The following DSCAML1 variants were observed in gnomAD, a reference collection of about 807,000 sequenced individuals.
The protein encoded by DSCAML1 is DS cell adhesion molecule like 1.
In DSCAML1, 38 loss-of-function variants were observed where a neutral mutation model predicts 200.5. The observed-to-expected ratio is 0.19, with a 90% confidence interval of 0.15 to 0.25. The LOEUF is 0.25. DSCAML1 is among the 10% of genes least tolerant of loss of function. DSCAML1 has a pLI of 1.00. For missense variants in DSCAML1, 2,223 were observed against 2,858.8 expected (o/e 0.78, Z 5.07); for synonymous variants, 1,215 against 1,165.0 (o/e 1.04, Z -0.87).
intron 11 of DSCAML1, among the ~76,000 whole-genome samples, chr11:117,500,372 A>G (rs1211388327): frequency 2.0e-5 from 3 of 152,180 alleles, no homozygotes; most frequent in East Asian, 3.8e-4. Flanking sequence ...ATTCCCTGAG[A>G]ACGGCAGCTC....
In DSCAML1 at chr11:117,518,530, C is replaced by T; in HGVS notation, c.1446G>A (p.Val482=). The T allele has an allele frequency of 6.2e-7, 1 of 1,614,228 alleles. No individual in the cohort carries two copies. ...CCAAGTTCCGCGCTGTGCACCGGTA[C>T]ACGCCCCCGTCGCGGATCTGGGGGC... is the stretch of plus-strand genomic sequence containing the variant. The part of the protein sequence containing the change: ...VTGPQIRDGG[V]YRCTARNLVG... The change falls in exon 7 of 33, where the codon GTG becomes GTA. Residue 482 remains valine, a synonymous_variant. Transcript: ENST00000651296. The surrounding 1 kb of genome is among the most constrained non-coding windows in gnomAD (Gnocchi z 6.3).
chr11:117,805,607 C>T (rs151171546), intron 1 of DSCAML1, among the ~76,000 whole-genome samples: 1 of 152,166 alleles, frequency 6.6e-6, no homozygotes, highest in East Asian at 1.9e-4. Flanking sequence ...CCAAGTGCTA[C>T]AGTATGAGGT....
intron 3 of DSCAML1, among the ~76,000 whole-genome samples, chr11:117,605,664 G>T (rs913549539): frequency 6.6e-6 from 1 of 152,190 alleles, no homozygotes; most frequent in African/African-American, 2.4e-5. Flanking sequence ...GTGACAAGGA[G>T]GTTCAGGGTG....
chr11:117,548,106 G>C (rs2050408633), intron 3 of DSCAML1, among the ~76,000 whole-genome samples: 1 of 152,360 alleles, frequency 6.6e-6, no homozygotes, highest in South Asian at 2.1e-4. Flanking sequence ...AAGCCCTTGA[G>C]GGCAGGTGTG....
chr11:117,664,900 C>T (rs2052941924), intron 3 of DSCAML1, among the ~76,000 whole-genome samples: 1 of 152,204 alleles, frequency 6.6e-6, no homozygotes, highest in African/African-American at 2.4e-5. Context: ...GGCCGCGTGT[C>T]TGCTGGGCAC....
At chr11:117,662,728 C>T (rs552805304) in intron 3 of DSCAML1, among the ~76,000 whole-genome samples, 235 of 152,188 alleles carry the variant, frequency 1.5e-3, no homozygotes, top group African/African-American at 4.7e-3. Flanking sequence ...CCTTTCAAAC[C>T]GAAGATGTGG....
At chr11:117,602,434 C>T (rs2051483192) in intron 3 of DSCAML1, among the ~76,000 whole-genome samples, 1 of 152,170 alleles carries the variant, frequency 6.6e-6, no homozygotes, top group African/African-American at 2.4e-5. Context: ...AATCTCAGTT[C>T]ACTGCAACCT....
chr11:117,628,525 T>C (rs768650327), intron 3 of DSCAML1, among the ~76,000 whole-genome samples: 5 of 152,220 alleles, frequency 3.3e-5, no homozygotes, highest in African/African-American at 4.8e-5. Context: ...TCAATTCCGA[T>C]ATTCTGGCCC....
At position 117,780,509 on chromosome 11, in the gene DSCAML1, G is replaced by A. The variant is rs140638509; in HGVS notation, c.348C>T (p.Asn116=). Residue 116 remains asparagine (N), a synonymous_variant, in exon 2 of 33, where the codon AAC becomes AAT. Coordinates refer to ENST00000651296, the MANE Select transcript of DSCAML1 (RefSeq NM_020693.4). This position sits in a 1 kb window ranked among gnomAD's most constrained non-coding sequence, Gnocchi z 4.8. ...GTCCCTTACCTGCTTTGACGCGGAT[G>A]TTGGGGCTCCGGATCTTGCCGGCAG... ...ENAAGKIRSP[N]IRVKAVFREP... The A allele has an allele frequency of 4.1e-6, 6 of 1,451,214 alleles. No homozygotes were observed. The highest frequency in any genetic ancestry group is 4.6e-6 in the Non-Finnish European group (5 of 1,095,954). 89.9% of individuals were successfully genotyped at this position (1,451,214 alleles called of 1,614,324 possible).
chr11:117,595,088 A>ACACACACACACACACACC (rs1356090912), intron 3 of DSCAML1, among the ~76,000 whole-genome samples: 4 of 151,070 alleles, frequency 2.6e-5, no homozygotes, highest in East Asian at 1.9e-4. Context: ...ACACACACAC[A>ACACACACACACACACACC]CCCTTTGATA....
intron 3 of DSCAML1, among the ~76,000 whole-genome samples, chr11:117,659,423 G>A (rs760569835): frequency 2.0e-5 from 3 of 152,246 alleles, no homozygotes; most frequent in Non-Finnish European, 4.4e-5. Context: ...GATCAAGGGC[G>A]TATAGTTAAC....
At position 117,463,154 on chromosome 11, in the gene DSCAML1, G is replaced by A. The variant is rs1442275329; in HGVS notation, c.3266-1558C>T. On this transcript the variant is annotated intron_variant, in intron 17 of 32. Transcript: ENST00000651296. This position sits in a 1 kb window ranked among gnomAD's most constrained non-coding sequence, Gnocchi z 4.0. ...CATCCAGCCTTGCTCCCAAGCAAAA[G>A]GGAGGCACAAGGTGAAGCAGGAAGG... Among the ~76,000 whole-genome samples, 1 of 152,194 alleles carries A rather than the reference G, an allele frequency of 6.6e-6. No homozygotes were observed. Among genetic ancestry groups the A allele is most frequent in the African/African-American group, 2.4e-5 (1 of 41,462 alleles).
chr11:117,756,495 C>A (rs115602903), intron 3 of DSCAML1, among the ~76,000 whole-genome samples: 1 of 152,136 alleles, frequency 6.6e-6, no homozygotes, highest in African/African-American at 2.4e-5. Context: ...AATCTTCCTG[C>A]GAGCTTGCAG....
chr11:117,450,480 C>G (rs1251206737), intron 20 of DSCAML1, 69 bp downstream of exon 20: 2 of 1,557,690 alleles, frequency 1.3e-6, no homozygotes, highest in Non-Finnish European at 1.7e-6. Flanking sequence ...GGCCTGGAAG[C>G]CGGCTGATGT....
intron 3 of DSCAML1, among the ~76,000 whole-genome samples, chr11:117,706,560 C>G (rs1363738387): frequency 6.6e-6 from 1 of 152,212 alleles, no homozygotes; most frequent in African/African-American, 2.4e-5. Context: ...GCCGGATTGA[C>G]TTTTCCTGGT....
At chr11:117,561,075 C>A (rs1433731275) in intron 3 of DSCAML1, among the ~76,000 whole-genome samples, 4 of 152,318 alleles carry the variant, frequency 2.6e-5, no homozygotes, top group South Asian at 2.1e-4. Flanking sequence ...GCAGACCCCT[C>A]CCCAGGCTGT....
intron 29 of DSCAML1, 128 bp from the exon 30 acceptor site, chr11:117,432,632 T>C (rs978058297): frequency 6.8e-5 from 77 of 1,129,486 alleles, no homozygotes; most frequent in Non-Finnish European, 1.6e-5. Flanking sequence ...TGTTTGTTTT[T>C]TTGAGACAGG....
chr11:117,457,998 G>A (rs2048406013), intron 19 of DSCAML1, among the ~76,000 whole-genome samples: 2 of 152,232 alleles, frequency 1.3e-5, no homozygotes, highest in South Asian at 2.1e-4. Flanking sequence ...GATGGAGCTG[G>A]TACTGGGAGG....
chr11:117,759,076 C>A (rs2054751293), intron 3 of DSCAML1, among the ~76,000 whole-genome samples: 1 of 152,136 alleles, frequency 6.6e-6, no homozygotes, highest in African/African-American at 2.4e-5. Context: ...CTTAGAGGAC[C>A]CCAATACAAA....
Sources: allele counts gnomAD v4.1 joint callset (sites outside exome capture counted in the v4.1 genomes callset), GRCh38; gene constraint gnomAD v4.1.1; non-coding constraint Gnocchi (gnomAD v3.1); transcripts MANE v1.5; gene names NCBI Gene and HGNC (gene_info 2026-07-23, HGNC 2026-07-21).